The following PLCL2 variants were observed in gnomAD, a reference collection of about 807,000 sequenced individuals.
The protein encoded by PLCL2 is inactive phospholipase C-like protein 2.
In PLCL2, 4 loss-of-function variants were observed where a neutral mutation model predicts 79.6. The ratio of observed to expected loss-of-function variants is 0.05; its 90% CI spans 0.02 to 0.11. PLCL2 has a LOEUF of 0.11. Among genes scored for constraint, PLCL2 ranks in the 10% least tolerant of loss-of-function variants. The pLI, the probability that PLCL2 is intolerant of heterozygous loss-of-function variation, is 1.00. For synonymous variants in PLCL2, 484 were observed against 457.7 expected, an observed-to-expected ratio of 1.06 and a Z score of -0.73; for missense variants, 895 against 1,291.0, an observed-to-expected ratio of 0.69 and a Z score of 4.70.
intron 1 of PLCL2, among the ~76,000 whole-genome samples, chr3:16,914,075 A>G (rs1340864079): frequency 2.6e-5 from 4 of 152,222 alleles, no homozygotes; most frequent in South Asian, 4.1e-4. Flanking sequence ...AATGCAATTC[A>G]GTTGTGTTTA....
chr3:16,944,945 A>G (rs148064160), intron 1 of PLCL2, among the ~76,000 whole-genome samples: 18 of 151,994 alleles, frequency 1.2e-4, no homozygotes, highest in Non-Finnish European at 1.9e-4. Flanking sequence ...CTTTTAGTAG[A>G]GACGGGGTTT....
At chr3:17,034,393 GAATAT>G (rs796407361) in intron 3 of PLCL2, among the ~76,000 whole-genome samples, 6 of 152,234 alleles carry the variant, frequency 3.9e-5, no homozygotes, top group African/African-American at 1.4e-4. Context: ...ATGAATGAAT[GAATAT>G]AAGTTATTGG....
At chr3:16,971,529 C>T (rs961114878) in intron 1 of PLCL2, among the ~76,000 whole-genome samples, 108 of 152,170 alleles carry the variant, frequency 7.1e-4, no homozygotes, top group Non-Finnish European at 1.3e-3. Flanking sequence ...CTTGGCAATG[C>T]GGGCTCTTTT....
intron 1 of PLCL2, among the ~76,000 whole-genome samples, chr3:16,974,242 T>C (rs1453346534): frequency 1.3e-5 from 2 of 152,080 alleles, no homozygotes; most frequent in East Asian, 3.9e-4. Context: ...TTAAAGAGTT[T>C]TAAGCAGGCA....
chr3:17,079,922 C>T (rs933174746), intron 5 of PLCL2, among the ~76,000 whole-genome samples: 1 of 152,076 alleles, frequency 6.6e-6, no homozygotes, highest in Non-Finnish European at 1.5e-5. Flanking sequence ...GACACTGCCT[C>T]GAACCACAGA....
At chr3:17,015,043 G>T in intron 3 of PLCL2, 132 bp downstream of exon 3, 1 of 692,716 alleles carries the variant, frequency 1.4e-6, no homozygotes. Context: ...TGCTGGAGAA[G>T]TAATTCCCCT....
At chr3:16,950,912 G>A (rs1253417675) in intron 1 of PLCL2, among the ~76,000 whole-genome samples, 19 of 151,820 alleles carry the variant, frequency 1.3e-4, no homozygotes, top group Non-Finnish European at 1.5e-5. Context: ...ATTTTATTTA[G>A]GCCTTCTGAA....
chr3:17,013,809 T>C (rs2064354486), intron 2 of PLCL2, among the ~76,000 whole-genome samples: 1 of 152,172 alleles, frequency 6.6e-6, no homozygotes, highest in Non-Finnish European at 1.5e-5. Flanking sequence ...CTGTTATTAC[T>C]CACGGTGACT....
intron 1 of PLCL2, among the ~76,000 whole-genome samples, chr3:16,969,828 T>C (rs1171248516): frequency 1.3e-5 from 2 of 151,962 alleles, no homozygotes; most frequent in Admixed American, 1.3e-4. Context: ...AGTGTGATGT[T>C]AGGTTGTTCA....
chr3:16,922,230 A>C (rs1247380660), intron 1 of PLCL2, among the ~76,000 whole-genome samples: 1 of 152,216 alleles, frequency 6.6e-6, no homozygotes, highest in African/African-American at 2.4e-5. Flanking sequence ...TTTAATAGGA[A>C]TGCTAAGTCA....
chr3:16,894,706 G>T (rs1181151778), intron 1 of PLCL2, among the ~76,000 whole-genome samples: 2 of 152,050 alleles, frequency 1.3e-5, no homozygotes, highest in Non-Finnish European at 2.9e-5. Context: ...GGCTAATGAT[G>T]TTGAACATCT....
chr3:17,013,504 G>T (rs1036795500), intron 2 of PLCL2, among the ~76,000 whole-genome samples: 3 of 152,168 alleles, frequency 2.0e-5, no homozygotes, highest in Non-Finnish European at 4.4e-5. Context: ...AAGAGTGACT[G>T]GGGAACTGCA....
intron 5 of PLCL2, chr3:17,081,434 C>CT: frequency 3.1e-6 from 1 of 320,786 alleles, no homozygotes; most frequent in South Asian, 2.5e-5. Flanking sequence ...AGTAAGACAA[C>CT]TGTTTTTCTC....
chr3:16,994,403 TA>T (rs2124998000), intron 1 of PLCL2, among the ~76,000 whole-genome samples: 1 of 152,296 alleles, frequency 6.6e-6, no homozygotes, highest in African/African-American at 2.4e-5. Context: ...GGGTATGACA[TA>T]AAGTGGATGT....
chr3:17,024,210 A>G (rs2064486436), intron 3 of PLCL2, among the ~76,000 whole-genome samples: 1 of 152,206 alleles, frequency 6.6e-6, no homozygotes, highest in South Asian at 2.1e-4. Flanking sequence ...TTAGGTGAAT[A>G]ACATTTTTTC....
At chr3:16,909,621 C>T (rs1031897091) in intron 1 of PLCL2, among the ~76,000 whole-genome samples, 6 of 152,190 alleles carry the variant, frequency 3.9e-5, no homozygotes, top group Non-Finnish European at 5.9e-5. Flanking sequence ...TTGAAATTTG[C>T]ACACTGCAAC....
chr3:17,059,903 C>G (rs2064931662), intron 4 of PLCL2, among the ~76,000 whole-genome samples: 1 of 152,146 alleles, frequency 6.6e-6, no homozygotes, highest in Non-Finnish European at 1.5e-5. Context: ...CTGCAGTCTG[C>G]AGTCACGAGG....
At chr3:17,019,681 G>A (rs1386567097) in intron 3 of PLCL2, among the ~76,000 whole-genome samples, 1 of 151,988 alleles carries the variant, frequency 6.6e-6, no homozygotes, top group Non-Finnish European at 1.5e-5. Context: ...TATATTAAAA[G>A]GCAGATTTAA....
intron 1 of PLCL2, among the ~76,000 whole-genome samples, chr3:16,994,492 A>G (rs1039190614): frequency 6.6e-6 from 1 of 152,186 alleles, no homozygotes; most frequent in African/African-American, 2.4e-5. Flanking sequence ...TGTGTTAGGA[A>G]ATCTTTCATT....
Sources: gnomAD v4.1 joint callset for allele counts (sites outside exome capture counted in the v4.1 genomes callset) on GRCh38, gnomAD v4.1.1 for gene constraint, MANE v1.5 for transcripts, NCBI Gene and HGNC (gene_info 2026-07-23, HGNC 2026-07-21) for gene names.